NUCB2: variants seen among roughly 807,000 people sequenced by gnomAD.
The protein encoded by NUCB2 is nucleobindin 2, also known as nucleobindin-2.
In NUCB2, 48 loss-of-function variants were observed where a neutral mutation model predicts 57.9. The ratio of observed to expected loss-of-function variants is 0.83; its 90% confidence interval spans 0.66 to 1.05. The LOEUF is 1.05. Among genes scored for constraint, NUCB2 ranks in the 50% least tolerant of loss-of-function variants. The probability of loss-of-function intolerance (pLI) is 0.00; values close to 1 mark genes in which losing one functional copy is unlikely to be tolerated. For synonymous variants in NUCB2, 139 were observed against 152.1 expected, an observed-to-expected ratio of 0.91 and a Z score of 0.64; for missense variants, 442 against 476.2, an observed-to-expected ratio of 0.93 and a Z score of 0.67.
chr11:17,321,364 G>T (rs1368127868), intron 11 of NUCB2, among the ~76,000 whole-genome samples: 1 of 151,974 alleles, frequency 6.6e-6, no homozygotes, highest in Non-Finnish European at 1.5e-5. Context: ...TTGTCTTTCT[G>T]TGCCTGGCTT....
intron 2 of NUCB2, among the ~76,000 whole-genome samples, chr11:17,343,148 T>C (rs1457376338): frequency 1.3e-5 from 2 of 152,096 alleles, no homozygotes; most frequent in African/African-American, 2.4e-5. Context: ...CTGCCTTTTT[T>C]TGTTTTCCAT....
intron 5 of NUCB2, among the ~76,000 whole-genome samples, 161 bp from the exon 6 acceptor site, chr11:17,309,411 A>G (rs1234236904): frequency 1.3e-5 from 2 of 152,210 alleles, no homozygotes; most frequent in Non-Finnish European, 2.9e-5. Context: ...CTAGAATAAC[A>G]TACGCAGTAT....
intron 2 of NUCB2, among the ~76,000 whole-genome samples, chr11:17,292,980 G>A (rs1591294887): frequency 6.6e-6 from 1 of 152,144 alleles, no homozygotes; most frequent in East Asian, 1.9e-4. Flanking sequence ...GCGGCTAGGT[G>A]CAGTGGCTCA....
chr11:17,294,211 C>T (rs1482126791), intron 2 of NUCB2, among the ~76,000 whole-genome samples: 1 of 152,082 alleles, frequency 6.6e-6, no homozygotes, highest in Non-Finnish European at 1.5e-5. Flanking sequence ...ATTCTAGTAT[C>T]CTAGAGATGA....
chr11:17,344,451 G>A (rs1223961712), intron 2 of NUCB2, among the ~76,000 whole-genome samples: 1 of 152,038 alleles, frequency 6.6e-6, no homozygotes, highest in Non-Finnish European at 1.5e-5. Flanking sequence ...CTCTATATGC[G>A]CTCCCCCATT....
At chr11:17,285,845 C>G (rs1008213353) in intron 2 of NUCB2, among the ~76,000 whole-genome samples, 6 of 149,764 alleles carry the variant, frequency 4.0e-5, no homozygotes, top group Non-Finnish European at 8.9e-5. Context: ...CCCTGGTTAT[C>G]TATGGTAATT....
At chr11:17,341,462 T>C (rs546225016) in intron 2 of NUCB2, among the ~76,000 whole-genome samples, 1 of 152,114 alleles carries the variant, frequency 6.6e-6, no homozygotes, top group Non-Finnish European at 1.5e-5. Context: ...TTGTCATAGA[T>C]AGCTCTTATT....
intron 11 of NUCB2, among the ~76,000 whole-genome samples, chr11:17,324,232 G>A (rs1950373643): frequency 6.6e-6 from 1 of 151,916 alleles, no homozygotes; most frequent in South Asian, 2.1e-4. Flanking sequence ...TATCCCACAG[G>A]TTTTGGTATG....
intron 2 of NUCB2, among the ~76,000 whole-genome samples, chr11:17,337,816 G>C (rs558640610): frequency 4.1e-4 from 62 of 152,062 alleles, no homozygotes; most frequent in African/African-American, 1.4e-3. Context: ...TATATTTTTA[G>C]TAGAGACGGG....
At position 17,310,958 on chromosome 11, in the gene NUCB2, A is replaced by T. The variant is rs766578201; in HGVS notation, c.617A>T (p.Lys206Ile). 6 of 1,587,678 alleles carry T rather than the reference A, an allele frequency of 3.8e-6. No homozygotes were observed. The highest frequency in any genetic ancestry group is 5.1e-6 in the Non-Finnish European group (6 of 1,173,318). Residue 206 changes from lysine (K) to isoleucine (I), a missense_variant, in exon 7 of 14, where the codon AAA becomes ATA. By Grantham distance (102) the Lys-to-Ile change is moderately radical. Coordinates refer to ENST00000529010, the MANE Select transcript of NUCB2 (RefSeq NM_005013.4). ...NEEKRKEEES[K>I]FEEMKKKHEN... is the part of the protein sequence containing the mutation. ...GAAAAGAGAAAAGAAGAAGAGTCTA[A>T]ATTTGAAGAAATGAAGAAAAAGCAT...
chr11:17,293,531 A>T (rs896973219), intron 2 of NUCB2, among the ~76,000 whole-genome samples: 7 of 152,210 alleles, frequency 4.6e-5, no homozygotes, highest in African/African-American at 1.7e-4. Flanking sequence ...TGACTCAGCA[A>T]TTCTACTCCT....
At chr11:17,342,295 GT>G (rs1216082700) in intron 2 of NUCB2, among the ~76,000 whole-genome samples, 2 of 152,060 alleles carry the variant, frequency 1.3e-5, no homozygotes, top group Non-Finnish European at 2.9e-5. Context: ...TTTTTGAAGG[GT>G]TTTTTGTGTA....
chr11:17,288,746 G>A (rs973222685), intron 2 of NUCB2, among the ~76,000 whole-genome samples: 1 of 149,850 alleles, frequency 6.7e-6, no homozygotes, highest in African/African-American at 2.5e-5. Flanking sequence ...GTAGAGATGG[G>A]GTTTCGCCAT....
rs35980924 is a variant in NUCB2, at chr11:17,318,329, TA to T, written c.1002+2864del. ...ACCGTGCCCAGACAGAAGTCAGCTT[TA>T]AAAAAAAAATACATTCAATATCATA... On this transcript the variant is annotated intron_variant, in intron 11 of 13. Coordinates refer to ENST00000529010, the MANE Select transcript of NUCB2 (RefSeq NM_005013.4). 8.7e-5 allele frequency among the ~76,000 whole-genome samples: 13 copies of T among 149,952 alleles called. No homozygotes were observed. The East Asian group carries it at 1.4e-3, about 16-fold the overall frequency.
intron 8 of NUCB2, among the ~76,000 whole-genome samples, chr11:17,311,545 G>A (rs1335887833): frequency 6.6e-6 from 1 of 152,136 alleles, no homozygotes; most frequent in Non-Finnish European, 1.5e-5. Flanking sequence ...AAACTAAACT[G>A]TGACTAGCTA....
intron 1 of NUCB2, among the ~76,000 whole-genome samples, chr11:17,280,696 G>C (rs985809439): frequency 6.6e-6 from 1 of 152,180 alleles, no homozygotes; most frequent in Non-Finnish European, 1.5e-5. Flanking sequence ...ATTGCATCAG[G>C]ACTTTGGTTC....
intron 3 of NUCB2, 141 bp from the exon 4 acceptor site, chr11:17,295,963 T>C (rs907201133): frequency 7.9e-6 from 4 of 505,890 alleles, no homozygotes; most frequent in Non-Finnish European, 1.4e-5. Flanking sequence ...TTCAGAAATA[T>C]AGCTTTTCAC....
intron 1 of NUCB2, chr11:17,277,040 C>G (rs1438591922): frequency 3.9e-5 from 6 of 152,338 alleles, no homozygotes; most frequent in African/African-American, 1.4e-4. Context: ...GCTGGGCACC[C>G]GAGCTTTCTT....
chr11:17,308,980 T>C (rs1396129317), intron 5 of NUCB2, among the ~76,000 whole-genome samples: 3 of 152,148 alleles, frequency 2.0e-5, no homozygotes, highest in Non-Finnish European at 4.4e-5. Context: ...GGGTTTGTTA[T>C]TGTGCTGATA....
Sources: allele counts gnomAD v4.1 joint callset (sites outside exome capture counted in the v4.1 genomes callset), GRCh38; gene constraint gnomAD v4.1.1; transcripts MANE v1.5; gene names NCBI Gene and HGNC (gene_info 2026-07-23, HGNC 2026-07-21).